Variants in SLC6A12 observed in about 807,000 individuals in gnomAD.
The protein encoded by SLC6A12 is sodium- and chloride-dependent betaine transporter.
A neutral mutation model predicts 73.3 loss-of-function variants in SLC6A12; 50 were observed. The observed-to-expected ratio is 0.68, with a 90% CI of 0.54 to 0.86. The LOEUF is 0.86. SLC6A12 is among the 40% of genes least tolerant of loss of function. The pLI is 0.00. For synonymous variants in SLC6A12, 304 were observed against 309.2 expected, an observed-to-expected ratio of 0.98 and a Z score of 0.18; for missense variants, 648 against 772.8, an observed-to-expected ratio of 0.84 and a Z score of 1.92.
chr12:185,764 G>C (rs564337922), downstream of SLC6A12, among the ~76,000 whole-genome samples: 98 of 152,320 alleles, frequency 6.4e-4, no homozygotes, highest in African/African-American at 2.2e-3. Context: ...GGCCAGACTG[G>C]AAGCAGAGAG....
chr12:185,751 T>C (rs531018785), downstream of SLC6A12, among the ~76,000 whole-genome samples: 21 of 152,340 alleles, frequency 1.4e-4, no homozygotes, highest in African/African-American at 4.6e-4. Flanking sequence ...CTGCCCCTGC[T>C]GTGGCCAGAC....
In SLC6A12 at chr12:209,897, C is replaced by G. The variant is rs1036561019; in HGVS notation, c.90G>C (p.Glu30Asp). 2 of 1,614,212 alleles carry G rather than the reference C, an allele frequency of 1.2e-6. No individual in the cohort carries two copies. ...ATTGGCCCCGATCCTTCACCTGGTCCTCGTCTTCCTGGTCCAACTTCTCTC... is the reference window on the plus strand; with the variant it reads ...ATTGGCCCCGATCCTTCACCTGGTCGTCGTCTTCCTGGTCCAACTTCTCTC... ...EEGEKLDQED[E>D]DQVKDRGQWT... Residue 30 changes from glutamate to aspartate, a missense_variant, in exon 3 of 16, where the codon GAG becomes GAC. Glu to Asp is a conservative substitution (Grantham distance 45). Transcript: ENST00000684302.
chr12:186,390 T>C (rs1591771795), downstream of SLC6A12, among the ~76,000 whole-genome samples: 1 of 152,198 alleles, frequency 6.6e-6, no homozygotes, highest in East Asian at 1.9e-4. Context: ...AGGTATTATC[T>C]ACTGCTGTGT....
intron 13 of SLC6A12, chr12:194,155 G>C (rs551266128): frequency 6.6e-6 from 1 of 152,242 alleles, no homozygotes; most frequent in African/African-American, 2.4e-5. Context: ...GCCAGATATG[G>C]CCAGGTGAGT....
In SLC6A12 at chr12:197,097, CCA is replaced by C. The variant is rs1939911799; in HGVS notation, c.1076-217_1076-216del. 1.5e-4 allele frequency among the ~76,000 whole-genome samples: 6 copies of C among 39,616 alleles called. 1 individual carries two copies. Among genetic ancestry groups the C allele is most frequent in the Non-Finnish European group, 1.6e-4 (3 of 18,886 alleles). The allele number at this position is 39,616 out of a possible 152,430, so 26.0% of individuals were successfully genotyped here. A position where few individuals can be genotyped will look rare whatever the true frequency, so the allele number is the denominator to read the frequency against. On this transcript the variant is annotated intron_variant, in intron 10 of 15. Transcript: ENST00000684302. ...CCCATCCATCCATCCATCCATCCAT[CCA>C]TCCATCCATCCATCCATCCATCCAT...
chr12:212,429 G>A (rs1399669129), intron 1 of SLC6A12, among the ~76,000 whole-genome samples: 1 of 152,320 alleles, frequency 6.6e-6, no homozygotes, highest in East Asian at 1.9e-4. Flanking sequence ...AATCCAGTTT[G>A]GGCCCAGGAT....
intron 7 of SLC6A12, chr12:199,205 C>A (rs1475858202): frequency 6.0e-6 from 3 of 497,454 alleles, no homozygotes; most frequent in African/African-American, 5.7e-5. Flanking sequence ...CAGCCCATAA[C>A]CTGTCCAAGA....
intron 3 of SLC6A12, among the ~76,000 whole-genome samples, chr12:208,031 C>A (rs1232263293): frequency 2.6e-5 from 4 of 152,208 alleles, no homozygotes; most frequent in Admixed American, 2.6e-4. Flanking sequence ...ACACCGCGGC[C>A]CTGCCTCCCA....
At chr12:209,185 C>A (rs1940795863) in intron 3 of SLC6A12, among the ~76,000 whole-genome samples, 1 of 152,130 alleles carries the variant, frequency 6.6e-6, no homozygotes, top group Non-Finnish European at 1.5e-5. Flanking sequence ...ATCCAGGATA[C>A]ATCCACGACA....
At chr12:202,518 T>C (rs1002367246) in intron 5 of SLC6A12, among the ~76,000 whole-genome samples, 1 of 152,124 alleles carries the variant, frequency 6.6e-6, no homozygotes, top group Non-Finnish European at 1.5e-5. Flanking sequence ...CTTGCAGTCA[T>C]TTAATACAGT....
chr12:184,622 C>T, the SLC6A12 span, among the ~76,000 whole-genome samples: 53 of 152,154 alleles, frequency 3.5e-4, no homozygotes, highest in South Asian at 2.9e-3. Flanking sequence ...TGGTGGCGGG[C>T]GCCTGTAGTC....
chr12:201,270 T>C (rs1408482465), intron 6 of SLC6A12: 1 of 192,964 alleles, frequency 5.2e-6, no homozygotes, highest in Non-Finnish European at 1.1e-5. Context: ...CAGTCTTGCG[T>C]GGGAATGCAG....
chr12:200,208 A>C (rs961079978), intron 7 of SLC6A12, among the ~76,000 whole-genome samples: 5 of 143,802 alleles, frequency 3.5e-5, no homozygotes, highest in African/African-American at 5.3e-5. Context: ...TCCCGGGTTC[A>C]CGCCATTCTC....
chr12:210,977 G>A (rs565222804), intron 2 of SLC6A12, among the ~76,000 whole-genome samples: 68 of 152,246 alleles, frequency 4.5e-4, no homozygotes, highest in African/African-American at 1.5e-3. Flanking sequence ...AGACAAATCC[G>A]CTTCTGTCAG....
downstream of SLC6A12, among the ~76,000 whole-genome samples, chr12:187,306 G>A (rs1047370553): frequency 1.6e-4 from 25 of 152,180 alleles, no homozygotes; most frequent in East Asian, 2.3e-3. Flanking sequence ...GTTCTTAAAG[G>A]CGGCGTGTCC....
intron 3 of SLC6A12, among the ~76,000 whole-genome samples, chr12:207,238 G>A (rs749065920): frequency 3.9e-5 from 6 of 152,248 alleles, no homozygotes; most frequent in East Asian, 1.9e-4. Flanking sequence ...GCGGCCCAGC[G>A]ATGTCGCACA....
chr12:189,336 A>G (rs891608687), downstream of SLC6A12, among the ~76,000 whole-genome samples: 4 of 152,138 alleles, frequency 2.6e-5, no homozygotes, highest in African/African-American at 9.7e-5. Flanking sequence ...CCGGCCTCGT[A>G]ACTGAGAGCA....
Position 198,727 on chromosome 12 carries a change from G to C in SLC6A12, c.846+70C>G. ...TTAAACCAAGGAAAAAGCTATACAA[G>C]ACTTTCAAAACTACAGACCTGGCTG... On this transcript the variant is annotated intron_variant, in intron 8 of 15. Coordinates refer to ENST00000684302, the MANE Select transcript of SLC6A12 (RefSeq NM_001122848.3). The surrounding 1 kb of genome is among the most constrained non-coding windows in gnomAD (Gnocchi z 4.0). 6.9e-7 allele frequency: 1 copy of C among 1,440,606 alleles called. No individual in the cohort carries two copies. Among genetic ancestry groups the C allele is most frequent in the Non-Finnish European group, 9.6e-7 (1 of 1,039,114 alleles). The allele number at this position is 1,440,606 out of a possible 1,614,324, so 89.2% of individuals were successfully genotyped here.
In SLC6A12 at chr12:202,314, T is replaced by C. The variant is rs185575681; in HGVS notation, c.490+426A>G. 2.2e-3 allele frequency among the ~76,000 whole-genome samples: 337 copies of C among 152,270 alleles called. 1 individual carries two copies. The highest frequency in any genetic ancestry group is 7.8e-3 in the African/African-American group (324 of 41,550). ...TGTTCTATGGTTTCTGCAGTTTCGT[T>C]CACCTATCACAATTTGTAGTGGTTG... On this transcript the variant is annotated intron_variant, in intron 5 of 15. Transcript: ENST00000684302.
Sources: gnomAD v4.1 joint callset for allele counts (sites outside exome capture counted in the v4.1 genomes callset) on GRCh38, gnomAD v4.1.1 for gene constraint, Gnocchi (gnomAD v3.1) non-coding constraint, MANE v1.5 for transcripts, NCBI Gene and HGNC (gene_info 2026-07-23, HGNC 2026-07-21) for gene names.